Variants in JMJD7 observed in about 807,000 individuals in gnomAD.
JMJD7 encodes bifunctional peptidase and (3S)-lysyl hydroxylase JMJD7.
Under a neutral mutation model 41.1 loss-of-function variants are expected in JMJD7, and 41 were observed. The ratio of observed to expected loss-of-function variants is 1.00; its 90% CI spans 0.78 to 1.30. The LOEUF is 1.30. Among genes scored for constraint, JMJD7 ranks in the 50% most tolerant of loss-of-function variants. JMJD7 has a pLI of 0.00. For synonymous variants in JMJD7, 202 were observed against 177.2 expected (o/e 1.14, Z -1.11); for missense variants, 480 against 420.7 (o/e 1.14, Z -1.23).
At chr15:41,836,731 A>T in intron 6 of JMJD7, 50 bp from the exon 7 acceptor site, 1 of 1,546,140 alleles carries the variant, frequency 6.5e-7, no homozygotes, top group East Asian at 2.4e-5. Context: ...CAGAGCCTGA[A>T]GTCCTGGGGG....
chr15:41,836,196 A>G lies in JMJD7; in HGVS notation c.578A>G (p.Lys193Arg), dbSNP rs749303936. 4 of 1,612,788 alleles carry G rather than the reference A, an allele frequency of 2.5e-6. No homozygotes were observed. In the East Asian group the frequency reaches 8.9e-5, roughly 36 times the overall value. Residue 193 changes from lysine to arginine, a missense_variant, in exon 5 of 8, where the codon AAG becomes AGG. Transcript: ENST00000397299. The stretch of plus-strand genomic sequence containing the variant: ...CTCTACTGCGTGGTCTCAGGAGAGA[A>G]GCATTTCCTGTTCCATCCGCCCAGC... ...ENLYCVVSGE[K>R]HFLFHPPSDR...
chr15:41,835,275 A>G, intron 3 of JMJD7, 52 bp downstream of exon 3: 1 of 1,558,884 alleles, frequency 6.4e-7, no homozygotes, highest in Non-Finnish European at 8.6e-7. Context: ...TATGGGAAGG[A>G]GGGGGGTCAG....
chr15:41,830,102 G>A (rs1316522112), intron 1 of JMJD7, among the ~76,000 whole-genome samples: 1 of 152,122 alleles, frequency 6.6e-6, no homozygotes, highest in Non-Finnish European at 1.5e-5. Flanking sequence ...CATCCCCGAG[G>A]CAGCCGACTG....
intron 1 of JMJD7, among the ~76,000 whole-genome samples, chr15:41,833,410 ATATATTTT>A (rs2065259700): frequency 2.5e-5 from 1 of 39,714 alleles, no homozygotes; most frequent in South Asian, 1.0e-3. Context: ...ATATATATAT[ATATATTTT>A]TTTTTTTTTT....
intron 1 of JMJD7, among the ~76,000 whole-genome samples, chr15:41,830,897 G>A (rs2065220500): frequency 6.6e-6 from 1 of 152,248 alleles, no homozygotes; most frequent in South Asian, 2.1e-4. Flanking sequence ...GGGCAGCTCA[G>A]TGCTGGCCTG....
In JMJD7 at chr15:41,836,466, G is replaced by A; in HGVS notation, c.626-9G>A. 6.3e-7 allele frequency: 1 copy of A among 1,575,526 alleles called. No homozygotes were observed. The highest frequency in any genetic ancestry group is 8.6e-7 in the Non-Finnish European group (1 of 1,159,532). Reference sequence around the variant, plus strand: ...CAATTCCCCCACACCCTTCTCCCTTGGGCTCCAGAGCTGTACACGCCGGCA... The same window carrying A: ...CAATTCCCCCACACCCTTCTCCCTTAGGCTCCAGAGCTGTACACGCCGGCA... On this transcript the variant is annotated splice_polypyrimidine_tract_variant and intron_variant, in intron 5 of 7. Transcript: ENST00000397299.
At position 41,837,155 on chromosome 15, in the gene JMJD7, G is replaced by A. The variant is rs1384339248; in HGVS notation, c.950G>A (p.Ter317=). ...DSLTKASGLD[*] Reference sequence around the variant, plus strand: ...CTCACCAAGGCTTCAGGCCTTGACTGATGGAGCACTGGTGAACACCACCAA... The same window carrying A: ...CTCACCAAGGCTTCAGGCCTTGACTAATGGAGCACTGGTGAACACCACCAA... The change falls in exon 8 of 8, where the codon TGA becomes TAA. Residue 317 remains the stop codon, a stop_retained_variant. Transcript: ENST00000397299. 6.2e-7 allele frequency: 1 copy of A among 1,606,528 alleles called. No homozygotes were observed. The highest frequency in any genetic ancestry group is 1.3e-5 in the African/African-American group (1 of 74,904).
chr15:41,836,124 C>T, intron 4 of JMJD7, 24 bp from the exon 5 acceptor site: 1 of 1,571,314 alleles, frequency 6.4e-7, no homozygotes, highest in Non-Finnish European at 8.6e-7. Flanking sequence ...ATACCCTGCC[C>T]CCGGGCCTTC....
At chr15:41,830,458 C>G (rs2065213571) in intron 1 of JMJD7, among the ~76,000 whole-genome samples, 2 of 152,220 alleles carry the variant, frequency 1.3e-5, no homozygotes, top group South Asian at 4.1e-4. Context: ...TTCCACAGAG[C>G]TGGCGGGAAC....
intron 4 of JMJD7, 36 bp downstream of exon 4, chr15:41,835,680 C>A: frequency 6.3e-7 from 1 of 1,598,448 alleles, no homozygotes; most frequent in South Asian, 1.1e-5. Flanking sequence ...GGGGAAGGAG[C>A]AGGTTGGGGC....
Position 41,837,094 on chromosome 15 carries a change from G to T in JMJD7, c.889G>T (p.Asp297Tyr). The T allele has an allele frequency of 6.2e-7, 1 of 1,613,600 alleles. No individual in the cohort carries two copies. The highest frequency in any genetic ancestry group is 8.5e-7 in the Non-Finnish European group (1 of 1,179,638). Residue 297 changes from aspartate to tyrosine, a missense_variant, in exon 8 of 8, where the codon GAC becomes TAC. Coordinates refer to ENST00000397299, the MANE Select transcript of JMJD7 (RefSeq NM_001114632.2). ...GAATTTCTGGTATGACATGGAATACGACCTCAAGTATAGTTACTTCCAGCT... is the reference window on the plus strand; with the variant it reads ...GAATTTCTGGTATGACATGGAATACTACCTCAAGTATAGTTACTTCCAGCT... ...AVNFWYDMEY[D>Y]LKYSYFQLLD...
In JMJD7 at chr15:41,836,789, G is replaced by T; in HGVS notation, c.711G>T (p.Trp237Cys). The change falls in exon 7 of 8, where the codon TGG becomes TGT. Residue 237 changes from tryptophan to cysteine, a missense_variant. Coordinates refer to ENST00000397299, the MANE Select transcript of JMJD7 (RefSeq NM_001114632.2). ...VDEEAMEKVP[W>C]IPLDPLAPDL... ...ATCTGATGTGTTCCCAGGTGCCCTG[G>T]ATCCCACTGGACCCCTTGGCGCCAG... The T allele has an allele frequency of 6.2e-7, 1 of 1,608,358 alleles. No individual in the cohort carries two copies.
At chr15:41,828,461 G>A (rs552244344) in intron 1 of JMJD7, 1 of 363,128 alleles carries the variant, frequency 2.8e-6, no homozygotes, top group Non-Finnish European at 4.9e-6. Flanking sequence ...GCAGCTTGCT[G>A]TTACCCTTGT....
chr15:41,828,686 G>A (rs576963827), intron 1 of JMJD7, among the ~76,000 whole-genome samples: 2 of 152,086 alleles, frequency 1.3e-5, no homozygotes, highest in Non-Finnish European at 2.9e-5. Context: ...CCACTGAACA[G>A]CAACACAGGC....
rs756281013 is a variant in JMJD7, at chr15:41,835,173, A to G, written c.422A>G (p.Gln141Arg). 1 of 1,603,430 alleles carries G rather than the reference A, an allele frequency of 6.2e-7. No individual in the cohort carries two copies. Among genetic ancestry groups the G allele is most frequent in the South Asian group, 1.1e-5 (1 of 91,082 alleles). ...QCSNLPSELP[Q>R]LLPDLESHVP... ...TCCAACCTGCCCAGCGAGCTGCCCC[A>G]GCTGCTGCCTGATCTGGAATCCCAT... Residue 141 changes from glutamine (Q) to arginine (R), a missense_variant, in exon 3 of 8, where the codon CAG (glutamine) becomes CGG (arginine). Physicochemically the swap from Gln to Arg is conservative, Grantham distance 43. Coordinates refer to ENST00000397299, the MANE Select transcript of JMJD7 (RefSeq NM_001114632.2).
At chr15:41,832,419 CT>C (rs1179247459) in intron 1 of JMJD7, 2 of 161,870 alleles carry the variant, frequency 1.2e-5, no homozygotes, top group African/African-American at 4.8e-5. Context: ...CGTCACTGCA[CT>C]TCAGCCTGGG....
At chr15:41,831,751 C>A (rs1159766109) in intron 1 of JMJD7, among the ~76,000 whole-genome samples, 1 of 152,140 alleles carries the variant, frequency 6.6e-6, no homozygotes, top group Non-Finnish European at 1.5e-5. Flanking sequence ...CTGAGCTATC[C>A]TATGGCTCAG....
Position 41,835,129 on chromosome 15 carries a change from C to CT in JMJD7, c.379dup (p.Tyr127LeufsTer19). On this transcript the variant is annotated frameshift_variant, in exon 3 of 8. Coordinates refer to ENST00000397299, the MANE Select transcript of JMJD7 (RefSeq NM_001114632.2). LOFTEE classifies it high-confidence loss of function. Reference sequence around the variant, plus strand: ...GCCGGGCCCAGCACCCTGGAGTCCTCTATGTGCAGAAGCAGTGCTCCAACC... The same window carrying CT: ...GCCGGGCCCAGCACCCTGGAGTCCTCTTATGTGCAGAAGCAGTGCTCCAACC... The CT allele has an allele frequency of 6.2e-7, 1 of 1,610,514 alleles. No homozygotes were observed. Among genetic ancestry groups the CT allele is most frequent in the Non-Finnish European group, 8.5e-7 (1 of 1,180,018 alleles).
chr15:41,837,039 T>G, intron 7 of JMJD7, 29 bp from the exon 8 acceptor site: 2 of 1,602,018 alleles, frequency 1.2e-6, no homozygotes, highest in Non-Finnish European at 1.7e-6. Context: ...AGAGGGATCT[T>G]CATGCTCAGA....
Sources: allele counts gnomAD v4.1 joint callset (sites outside exome capture counted in the v4.1 genomes callset), GRCh38; gene constraint gnomAD v4.1.1; transcripts MANE v1.5; gene names NCBI Gene and HGNC (gene_info 2026-07-23, HGNC 2026-07-21).